Variants in ASTN1 observed in about 807,000 individuals in gnomAD.
ASTN1 encodes astrotactin-1.
Under a neutral mutation model 140.7 loss-of-function variants are expected in ASTN1, and 41 were observed. The observed-to-expected ratio is 0.29, with a 90% CI of 0.23 to 0.38. The LOEUF (loss-of-function observed/expected upper bound fraction) is 0.38. Among genes scored for constraint, ASTN1 ranks in the 10% least tolerant of loss-of-function variants. The probability of loss-of-function intolerance (pLI) is 1.00; values close to 1 mark genes in which losing one functional copy is unlikely to be tolerated. For missense variants in ASTN1, 1,479 were observed against 1,678.8 expected (o/e 0.88, Z 2.08); for synonymous variants, 640 against 652.2 (o/e 0.98, Z 0.29).
intron 21 of ASTN1, among the ~76,000 whole-genome samples, chr1:176,873,066 T>G (rs1272219801): frequency 6.6e-6 from 1 of 152,236 alleles, no homozygotes; most frequent in Non-Finnish European, 1.5e-5. Context: ...AATGAATTCA[T>G]GAAATAGGAT....
intron 1 of ASTN1, among the ~76,000 whole-genome samples, chr1:177,092,459 T>C (rs1037190741): frequency 6.6e-6 from 1 of 152,244 alleles, no homozygotes; most frequent in Admixed American, 6.5e-5. Context: ...GTTGTATTTT[T>C]ACTTTCCTGA....
At chr1:176,942,835 T>TACAC (rs1557977984) in intron 14 of ASTN1, among the ~76,000 whole-genome samples, 8 of 21,338 alleles carry the variant, frequency 3.7e-4, no homozygotes, top group African/African-American at 1.6e-3. Flanking sequence ...TATATATATA[T>TACAC]GTATATATAT....
chr1:176,864,205 T>C lies in ASTN1; in HGVS notation c.*79A>G, dbSNP rs950513828. On this transcript the variant is annotated 3_prime_UTR_variant, in exon 23 of 23. Coordinates refer to ENST00000361833, the MANE Select transcript of ASTN1 (RefSeq NM_004319.3). ...GTTTTCATGTTCCATTAAAAAATATTAAAAATCCACAGACCAACCCAGATG... is the reference window on the plus strand; with the variant it reads ...GTTTTCATGTTCCATTAAAAAATATCAAAAATCCACAGACCAACCCAGATG... 8 of 1,527,904 alleles carry C rather than the reference T, an allele frequency of 5.2e-6. No individual in the cohort carries two copies. In the East Asian group the frequency reaches 1.4e-4, roughly 26 times the overall value. 94.6% of individuals were successfully genotyped at this position (1,527,904 alleles called of 1,614,324 possible). A position where few individuals can be genotyped will look rare whatever the true frequency, so the allele number is the denominator to read the frequency against.
intron 5 of ASTN1, among the ~76,000 whole-genome samples, chr1:177,026,367 C>A (rs1042874185): frequency 2.0e-5 from 3 of 152,196 alleles, no homozygotes; most frequent in African/African-American, 7.2e-5. Flanking sequence ...CCTGCTCCTC[C>A]AACTACTTCC....
At chr1:176,883,644 G>T (rs1406384302) in intron 19 of ASTN1, among the ~76,000 whole-genome samples, 1 of 152,214 alleles carries the variant, frequency 6.6e-6, no homozygotes, top group Non-Finnish European at 1.5e-5. Context: ...CAGCAGCTGC[G>T]TATGTCTCTA....
chr1:177,104,622 G>T (rs867932462), intron 1 of ASTN1, among the ~76,000 whole-genome samples: 2 of 152,130 alleles, frequency 1.3e-5, no homozygotes, highest in African/African-American at 2.4e-5. Context: ...TGTGATTTTC[G>T]CAGTTTAACT....
At chr1:177,002,165 A>G (rs1674758001) in intron 8 of ASTN1, among the ~76,000 whole-genome samples, 1 of 152,152 alleles carries the variant, frequency 6.6e-6, no homozygotes, top group Non-Finnish European at 1.5e-5. Context: ...CAAAATAACA[A>G]TGCTAGTCTC....
intron 1 of ASTN1, among the ~76,000 whole-genome samples, chr1:177,068,358 T>C (rs1446449626): frequency 6.6e-6 from 1 of 152,208 alleles, no homozygotes; most frequent in Non-Finnish European, 1.5e-5. Context: ...AGGTTCATTT[T>C]TCAAGGAACC....
rs139449530 is a variant in ASTN1 at position 176,864,409 on chromosome 1, G to A, written c.3760C>T (p.Arg1254Cys). The A allele has an allele frequency of 2.0e-5, 33 of 1,613,922 alleles. No homozygotes were observed. Among genetic ancestry groups the A allele is most frequent in the South Asian group, 4.4e-5 (4 of 91,066 alleles). The change falls in exon 23 of 23, where the codon CGC (arginine) becomes TGC (cysteine). Residue 1254 changes from arginine to cysteine, a missense_variant. Coordinates refer to ENST00000361833, the MANE Select transcript of ASTN1 (RefSeq NM_004319.3). ...CCGTAGGGTTTGATCTCGCTGTAGC[G>A]GCACCCCAGGTACTTGAGTGAGCTG... is the stretch of plus-strand genomic sequence containing the variant. ...RRSSLKYLGC[R>C]YSEIKPYGLD...
At chr1:177,075,159 C>T (rs985958864) in intron 1 of ASTN1, among the ~76,000 whole-genome samples, 15 of 152,162 alleles carry the variant, frequency 9.9e-5, no homozygotes, top group South Asian at 4.1e-4. Flanking sequence ...CTGCAACCTC[C>T]GCCTCCCAGG....
intron 16 of ASTN1, among the ~76,000 whole-genome samples, chr1:176,906,188 G>A (rs1379070525): frequency 2.0e-5 from 3 of 152,210 alleles, no homozygotes; most frequent in Admixed American, 6.5e-5. Context: ...ATGGTTGAAG[G>A]AACTGGGGGA....
chr1:177,033,286 C>T (rs967293740), intron 2 of ASTN1, among the ~76,000 whole-genome samples: 4 of 152,002 alleles, frequency 2.6e-5, no homozygotes, highest in Admixed American at 6.6e-5. Context: ...TCCTGTCTCA[C>T]GTCTAAACAT....
chr1:176,881,347 C>T (rs1256848612), intron 20 of ASTN1, among the ~76,000 whole-genome samples: 2 of 152,154 alleles, frequency 1.3e-5, no homozygotes, highest in Non-Finnish European at 2.9e-5. Context: ...TGATCAGAAA[C>T]GCAGCCAATC....
chr1:176,968,739 T>C (rs184205576), intron 8 of ASTN1, among the ~76,000 whole-genome samples: 21 of 152,316 alleles, frequency 1.4e-4, no homozygotes, highest in African/African-American at 5.1e-4. Context: ...AACTGTGATA[T>C]TAGGCAACAG....
chr1:177,040,029 C>T (rs1266422233), intron 2 of ASTN1, among the ~76,000 whole-genome samples: 2 of 152,190 alleles, frequency 1.3e-5, no homozygotes, highest in Non-Finnish European at 1.5e-5. Context: ...CCATGAAGAT[C>T]CCTTTCCTGC....
intron 8 of ASTN1, among the ~76,000 whole-genome samples, chr1:177,008,876 G>A (rs1675142853): frequency 6.6e-6 from 1 of 152,120 alleles, no homozygotes; most frequent in African/African-American, 2.4e-5. Context: ...TAAAGAAACA[G>A]CCATAGTCTG....
intron 21 of ASTN1, among the ~76,000 whole-genome samples, chr1:176,874,529 G>T (rs1334502800): frequency 6.6e-6 from 1 of 152,168 alleles, no homozygotes; most frequent in Non-Finnish European, 1.5e-5. Flanking sequence ...TGCTGGTTCT[G>T]CCAGATGCTT....
chr1:176,882,275 G>C (rs566119365), intron 20 of ASTN1, among the ~76,000 whole-genome samples: 4 of 152,282 alleles, frequency 2.6e-5, no homozygotes, highest in African/African-American at 9.6e-5. Context: ...CAGAGTTCTT[G>C]GTATTCTATG....
rs74826447 is a variant in ASTN1, at chr1:176,971,608, G to T, written c.1524-6371C>A. 9.4e-3 allele frequency among the ~76,000 whole-genome samples: 1,434 copies of T among 152,188 alleles called. 20 individuals are homozygous for T. Among genetic ancestry groups the T allele is most frequent in the Non-Finnish European group, 0.015 (1,035 of 68,020 alleles). The stretch of plus-strand genomic sequence containing the variant: ...TGACTTCCTAAAATAGGCCTTCCCT[G>T]GCACTCCTAGACTAGGTTATATTTC... On this transcript the variant is annotated intron_variant, in intron 8 of 22. Transcript: ENST00000361833.
Sources: gnomAD v4.1 joint callset for allele counts (sites outside exome capture counted in the v4.1 genomes callset) on GRCh38, gnomAD v4.1.1 for gene constraint, MANE v1.5 for transcripts, NCBI Gene and HGNC (gene_info 2026-07-23, HGNC 2026-07-21) for gene names.